Variants in TUBGCP4 observed in about 807,000 individuals in gnomAD.
TUBGCP4 encodes gamma-tubulin complex component 4.
A neutral mutation model predicts 91.6 loss-of-function variants in TUBGCP4; 54 were observed. The observed-to-expected ratio is 0.59, with a 90% CI of 0.47 to 0.74. The LOEUF (loss-of-function observed/expected upper bound fraction) is 0.74. Among genes scored for constraint, TUBGCP4 ranks in the 30% least tolerant of loss-of-function variants. The pLI, the probability that TUBGCP4 is intolerant of heterozygous loss-of-function variation, is 0.00. For synonymous variants in TUBGCP4, 297 were observed against 302.8 expected (o/e 0.98, Z 0.20); for missense variants, 593 against 800.9 (o/e 0.74, Z 3.13).
At position 43,409,282 on chromosome 15, in the gene TUBGCP4, T is replaced by C; in HGVS notation, c.*4068T>C. On this transcript the variant is annotated 3_prime_UTR_variant, in exon 18 of 18. Coordinates refer to ENST00000564079, the MANE Select transcript of TUBGCP4 (RefSeq NM_014444.5). ...GCCCAAGTAATTTCCATAGATGTTCTCTCTGCCTCACCTGCAGCATACTGA... is the reference window on the plus strand; with the variant it reads ...GCCCAAGTAATTTCCATAGATGTTCCCTCTGCCTCACCTGCAGCATACTGA... 2 of 616,768 alleles carry C rather than the reference T, an allele frequency of 3.2e-6. No homozygotes were observed. Among genetic ancestry groups the C allele is most frequent in the South Asian group, 3.9e-5 (2 of 50,730 alleles). 38.2% of individuals were successfully genotyped at this position (616,768 alleles called of 1,614,324 possible).
Position 43,402,150 on chromosome 15 carries a change from G to A in TUBGCP4, c.1731+300G>A, listed in dbSNP as rs1005289111. 1.5e-4 allele frequency: 36 copies of A among 241,542 alleles called. 1 individual carries two copies. The highest frequency in any genetic ancestry group is 6.1e-4 in the African/African-American group (27 of 44,032). The allele number at this position is 241,542 out of a possible 1,614,324, so 15.0% of individuals were successfully genotyped here. A position where few individuals can be genotyped will look rare whatever the true frequency, so the allele number is the denominator to read the frequency against. On this transcript the variant is annotated intron_variant, in intron 15 of 17. Transcript: ENST00000564079. ...AAAAAAATAATAGGTGTGGTGGCTCGCGCCTGTAATCCCAGCTACTTGGGA... is the reference window on the plus strand; with the variant it reads ...AAAAAAATAATAGGTGTGGTGGCTCACGCCTGTAATCCCAGCTACTTGGGA...
chr15:43,385,449 C>T (rs1595484567), intron 7 of TUBGCP4: 1 of 464,486 alleles, frequency 2.2e-6, no homozygotes, highest in East Asian at 6.6e-5. Flanking sequence ...GGAGCACCAG[C>T]AGAGAAGACA....
chr15:43,393,648 C>T (rs1170049899), intron 9 of TUBGCP4, among the ~76,000 whole-genome samples: 3 of 152,072 alleles, frequency 2.0e-5, no homozygotes, highest in East Asian at 3.9e-4. Flanking sequence ...TTCCTGTGTC[C>T]GTGTGTTCTC....
Position 43,408,763 on chromosome 15 carries a change from T to C in TUBGCP4, c.*3549T>C. Reference sequence around the variant, plus strand: ...TAAACTAGATAAACTCCTGAAGTCATTTCAAACCCACTCAAATTTATCCCA... The same window carrying C: ...TAAACTAGATAAACTCCTGAAGTCACTTCAAACCCACTCAAATTTATCCCA... On this transcript the variant is annotated 3_prime_UTR_variant, in exon 18 of 18. Coordinates refer to ENST00000564079, the MANE Select transcript of TUBGCP4 (RefSeq NM_014444.5). 1.2e-6 allele frequency: 1 copy of C among 866,114 alleles called. No individual in the cohort carries two copies. The allele number at this position is 866,114 out of a possible 1,614,324, so 53.7% of individuals were successfully genotyped here.
chr15:43,380,348 G>GTTTTTTT, intron 6 of TUBGCP4, among the ~76,000 whole-genome samples, 185 bp downstream of exon 6: 1 of 152,216 alleles, frequency 6.6e-6, no homozygotes, highest in African/African-American at 2.4e-5. Context: ...TTGCAAAAAG[G>GTTTTTTT]GCTATAGAGT....
intron 15 of TUBGCP4, 81 bp from the exon 16 acceptor site, chr15:43,403,602 A>G: frequency 9.7e-7 from 1 of 1,032,818 alleles, no homozygotes. Flanking sequence ...ATCAGCTATT[A>G]ATCAGACTGT....
At chr15:43,375,159 T>A (rs2044187266) in intron 1 of TUBGCP4, among the ~76,000 whole-genome samples, 1 of 152,244 alleles carries the variant, frequency 6.6e-6, no homozygotes, top group African/African-American at 2.4e-5. Flanking sequence ...TGCCTCGGCC[T>A]CCCGAAATGC....
chr15:43,371,101 A>C lies in TUBGCP4; in HGVS notation c.-254A>C, dbSNP rs1001561541. 2 of 569,188 alleles carry C rather than the reference A, an allele frequency of 3.5e-6. No individual in the cohort carries two copies. The highest frequency in any genetic ancestry group is 6.3e-6 in the Non-Finnish European group (2 of 316,196). 35.3% of individuals were successfully genotyped at this position (569,188 alleles called of 1,614,324 possible). A position where few individuals can be genotyped will look rare whatever the true frequency, so the allele number is the denominator to read the frequency against. ...TGCGCGAGGGCAGCGACCGCGACTC[A>C]GTCTCCGCAGAGCCCGGGCGGGAGT... is the stretch of plus-strand genomic sequence containing the variant. On this transcript the variant is annotated 5_prime_UTR_variant, in exon 1 of 18. Coordinates refer to ENST00000564079, the MANE Select transcript of TUBGCP4 (RefSeq NM_014444.5).
Position 43,385,906 on chromosome 15 carries a change from G to T in TUBGCP4, c.839G>T (p.Gly280Val). 2 of 1,614,050 alleles carry T rather than the reference G, an allele frequency of 1.2e-6. No individual in the cohort carries two copies. The highest frequency in any genetic ancestry group is 1.7e-6 in the Non-Finnish European group (2 of 1,180,024). ...VRVAEKILFV[G>V]ESVQMFENQN... Reference sequence around the variant, plus strand: ...GTTGCTGAAAAAATCCTATTTGTTGGAGAATCTGTCCAGATGTTTGAGAAT... The same window carrying T: ...GTTGCTGAAAAAATCCTATTTGTTGTAGAATCTGTCCAGATGTTTGAGAAT... The change falls in exon 8 of 18, where the codon GGA becomes GTA. Residue 280 changes from glycine to valine, a missense_variant. Gly to Val is a moderately radical substitution (Grantham distance 109, BLOSUM62 -3). Transcript: ENST00000564079.
At position 43,400,209 on chromosome 15, in the gene TUBGCP4, G is replaced by A; in HGVS notation, c.1584G>A (p.Gln528=). 6.2e-7 allele frequency: 1 copy of A among 1,614,074 alleles called. No individual in the cohort carries two copies. The highest frequency in any genetic ancestry group is 8.5e-7 in the Non-Finnish European group (1 of 1,179,992). The change falls in exon 14 of 18, where the codon CAG becomes CAA. Residue 528 remains glutamine (Q), a synonymous_variant. Coordinates refer to ENST00000564079, the MANE Select transcript of TUBGCP4 (RefSeq NM_014444.5). ...TGGCATTTTTGGTGGATAATCTTCA[G>A]TACTATCTCCAGGTCTGTGCTAAGA... ...NHMAFLVDNL[Q]YYLQVDVLES... is the part of the protein sequence containing the mutation.
chr15:43,399,072 C>A (rs1469641189), intron 13 of TUBGCP4: 1 of 1,168,340 alleles, frequency 8.6e-7, no homozygotes, highest in East Asian at 5.8e-5. Flanking sequence ...AAATCAGTTT[C>A]CAAACAAGGT....
chr15:43,377,651 G>A, intron 4 of TUBGCP4, 196 bp from the exon 5 acceptor site: 1 of 500,614 alleles, frequency 2.0e-6, no homozygotes, highest in Non-Finnish European at 3.4e-6. Context: ...AAAAGAAACT[G>A]CCTCTCTCTG....
intron 9 of TUBGCP4, among the ~76,000 whole-genome samples, chr15:43,392,876 T>G (rs35158584): frequency 0.17 from 25,249 of 152,178 alleles, 2,290 homozygotes; most frequent in Middle Eastern, 0.27. Flanking sequence ...CATATTTACC[T>G]GATACACTCT....
Position 43,409,199 on chromosome 15 carries a change from C to A in TUBGCP4, c.*3985C>A. On this transcript the variant is annotated 3_prime_UTR_variant, in exon 18 of 18. Coordinates refer to ENST00000564079, the MANE Select transcript of TUBGCP4 (RefSeq NM_014444.5). ...GAAGAGCAGATCTGAAGACTCCCAA[C>A]TACTACCCAAAATGTGATTTAGTCT... is the stretch of plus-strand genomic sequence containing the variant. The A allele has an allele frequency of 1.9e-6, 2 of 1,027,578 alleles. No homozygotes were observed. The highest frequency in any genetic ancestry group is 2.9e-5 in the South Asian group (2 of 69,480). 63.7% of individuals were successfully genotyped at this position (1,027,578 alleles called of 1,614,324 possible). A position where few individuals can be genotyped will look rare whatever the true frequency, so the allele number is the denominator to read the frequency against.
chr15:43,378,696 A>T (rs1222190918), intron 5 of TUBGCP4, among the ~76,000 whole-genome samples: 1 of 152,240 alleles, frequency 6.6e-6, no homozygotes, highest in Non-Finnish European at 1.5e-5. Context: ...GTGGGTGCTC[A>T]TTGGCCCTTC....
chr15:43,376,421 T>C lies in TUBGCP4; in HGVS notation c.208-82T>C, dbSNP rs749884004. 75 of 1,613,238 alleles carry C rather than the reference T, an allele frequency of 4.6e-5. No individual in the cohort carries two copies. The Middle Eastern group carries it at 9.9e-4, about 21-fold the overall frequency. ...TCTAATTGGTTTGTTTGTATAACTT[T>C]TAAAAGAAACAAGCCTGATAATGTC... On this transcript the variant is annotated intron_variant, in intron 2 of 17. Transcript: ENST00000564079.
intron 6 of TUBGCP4, among the ~76,000 whole-genome samples, chr15:43,382,452 G>A (rs1193573713): frequency 1.3e-5 from 2 of 151,876 alleles, no homozygotes; most frequent in Non-Finnish European, 2.9e-5. Context: ...ATTTAGAACC[G>A]TCCCCCTTGC....
In TUBGCP4 at chr15:43,386,344, C is replaced by CATATATATATATATAT. The variant is rs1566894338; in HGVS notation, c.1014+14_1014+15insATATATATATATATAT. 234 of 245,602 alleles carry CATATATATATATATAT rather than the reference C, an allele frequency of 9.5e-4. 34 individuals are homozygous for CATATATATATATATAT. The highest frequency in any genetic ancestry group is 1.6e-3 in the African/African-American group (13 of 7,936). 15.2% of individuals were successfully genotyped at this position (245,602 alleles called of 1,614,324 possible). ...ACTGTGGCTGAGGTTTGTGTTTCAT[C>CATATATATATATATAT]GTATATATATATATATATATATATA... is the stretch of plus-strand genomic sequence containing the variant. On this transcript the variant is annotated intron_variant, in intron 9 of 17. Coordinates refer to ENST00000564079, the MANE Select transcript of TUBGCP4 (RefSeq NM_014444.5).
Position 43,406,908 on chromosome 15 carries a change from G to C in TUBGCP4, c.*1694G>C. On this transcript the variant is annotated 3_prime_UTR_variant, in exon 18 of 18. Transcript: ENST00000564079. ...GAGCTGTGATCTCAGCTCAGAGAGA[G>C]AGCATGAGGTCTTTTTTAACTGTCA... 4.0e-6 allele frequency: 1 copy of C among 250,570 alleles called. No homozygotes were observed. Among genetic ancestry groups the C allele is most frequent in the Non-Finnish European group, 7.9e-6 (1 of 126,658 alleles). 15.5% of individuals were successfully genotyped at this position (250,570 alleles called of 1,614,324 possible).
Sources: allele counts gnomAD v4.1 joint callset (sites outside exome capture counted in the v4.1 genomes callset), GRCh38; gene constraint gnomAD v4.1.1; transcripts MANE v1.5; gene names NCBI Gene and HGNC (gene_info 2026-07-23, HGNC 2026-07-21).